Variants in ERMAP observed in about 807,000 individuals in gnomAD.
ERMAP encodes erythroblast membrane associated protein (Scianna blood group).
A neutral mutation model predicts 49.5 loss-of-function variants in ERMAP; 34 were observed. The observed-to-expected ratio is 0.69, with a 90% CI of 0.52 to 0.91. The LOEUF (loss-of-function observed/expected upper bound fraction) is 0.91, where lower values mean the gene tolerates loss of function less well. Ranked by LOEUF, ERMAP falls within the 40% of genes least tolerant of loss-of-function variation. The pLI is 0.00. For missense variants in ERMAP, 541 were observed against 582.6 expected (o/e 0.93, Z 0.74); for synonymous variants, 214 against 232.2 (o/e 0.92, Z 0.71).
chr1:42,838,948 C>A, intron 8 of ERMAP, 27 bp downstream of exon 8: 1 of 1,614,170 alleles, frequency 6.2e-7, no homozygotes, highest in Non-Finnish European at 8.5e-7. Context: ...ATCCATGGCA[C>A]AAGCTCCTTC....
chr1:42,822,384 A>G (rs1414615896), intron 1 of ERMAP, among the ~76,000 whole-genome samples: 7 of 152,202 alleles, frequency 4.6e-5, no homozygotes, highest in South Asian at 4.2e-4. Flanking sequence ...GGATTTCGCA[A>G]TGTTGGCCAG....
At chr1:42,817,297 C>A in intron 1 of ERMAP, 44 bp downstream of exon 1, 1 of 1,196,284 alleles carries the variant, frequency 8.4e-7, no homozygotes, top group Non-Finnish European at 1.1e-6. Flanking sequence ...GCGCTGCCTG[C>A]CCACCGCCCC....
In ERMAP at chr1:42,843,766, G is replaced by A. The variant is rs900774523; in HGVS notation, c.*534G>A. The A allele has an allele frequency of 7.1e-6, 2 of 281,324 alleles. No homozygotes were observed. Among genetic ancestry groups the A allele is most frequent in the African/African-American group, 4.4e-5 (2 of 45,862 alleles). 17.4% of individuals were successfully genotyped at this position (281,324 alleles called of 1,614,324 possible). A position where few individuals can be genotyped will look rare whatever the true frequency, so the allele number is the denominator to read the frequency against. ...CTTCAGGAATGAATTGGGAAAGGCT[G>A]ATGAGTAAAACATACCATCCTTTTC... On this transcript the variant is annotated 3_prime_UTR_variant, in exon 12 of 12. Coordinates refer to ENST00000372517, the MANE Select transcript of ERMAP (RefSeq NM_001017922.2).
chr1:42,834,462 G>A lies in ERMAP; in HGVS notation c.434-576G>A, dbSNP rs114047611. On this transcript the variant is annotated intron_variant, in intron 4 of 11. Transcript: ENST00000372517. Reference sequence around the variant, plus strand: ...TCCATTGAATTATAGGGCAGGATGAGATTGTGGTCAAGAAGTTTGTTTAAG... The same window carrying A: ...TCCATTGAATTATAGGGCAGGATGAAATTGTGGTCAAGAAGTTTGTTTAAG... Among the ~76,000 whole-genome samples, 431 of 152,350 alleles carry A rather than the reference G, an allele frequency of 2.8e-3. 4 individuals carry two copies. The highest frequency in any genetic ancestry group is 9.6e-3 in the African/African-American group (400 of 41,576).
intron 4 of ERMAP, among the ~76,000 whole-genome samples, chr1:42,832,178 A>ATTT (rs1654760062): frequency 8.3e-6 from 1 of 120,506 alleles, no homozygotes; most frequent in Non-Finnish European, 1.7e-5. Flanking sequence ...GGTGAAAATT[A>ATTT]ATTTTTTTTT....
In ERMAP at chr1:42,842,802, A is replaced by G. The variant is rs1235935299; in HGVS notation, c.998A>G (p.Gln333Arg). The change falls in exon 12 of 12, where the codon CAG becomes CGG. Residue 333 changes from glutamine (Q) to arginine (R), a missense_variant. Transcript: ENST00000372517. The stretch of plus-strand genomic sequence containing the variant: ...GCCAATGGACACTGGCTTCTGCGAC[A>G]GAGTCGTGGGAATGAGTATGAAGCT... Reference protein sequence around the residue: ...SPANGHWLLRQSRGNEYEALT... With the variant: ...SPANGHWLLRRSRGNEYEALT... 6.2e-7 allele frequency: 1 copy of G among 1,614,178 alleles called. No individual in the cohort carries two copies. Among genetic ancestry groups the G allele is most frequent in the Admixed American group, 1.7e-5 (1 of 60,016 alleles).
intron 4 of ERMAP, among the ~76,000 whole-genome samples, chr1:42,832,241 G>A (rs1654765651): frequency 7.1e-6 from 1 of 141,706 alleles, no homozygotes; most frequent in Non-Finnish European, 1.5e-5. Flanking sequence ...GCCCAGGCTG[G>A]AGTGCATTGG....
At chr1:42,818,035 G>T (rs753503297) in intron 1 of ERMAP, among the ~76,000 whole-genome samples, 1 of 152,228 alleles carries the variant, frequency 6.6e-6, no homozygotes, top group Non-Finnish European at 1.5e-5. Context: ...GCTTCTAAGT[G>T]CTGGAGCAAA....
rs1434248202 is a variant in ERMAP, at chr1:42,821,991, CAACAGAGCTAG to C, written c.-121-3630_-121-3620del. Among the ~76,000 whole-genome samples, 8 of 140,408 alleles carry C rather than the reference CAACAGAGCTAG, an allele frequency of 5.7e-5. No individual in the cohort carries two copies. In the South Asian group the frequency reaches 1.5e-3, roughly 27 times the overall value. 92.1% of individuals were successfully genotyped at this position (140,408 alleles called of 152,430 possible). On this transcript the variant is annotated intron_variant, in intron 1 of 11. Coordinates refer to ENST00000372517, the MANE Select transcript of ERMAP (RefSeq NM_001017922.2). ...TTGTGCCTTTGCACTCCAGCCTGGG[CAACAGAGCTAG>C]ACCCTAGCTCTAAAAAAAAAAAAAA...
intron 11 of ERMAP, among the ~76,000 whole-genome samples, chr1:42,841,485 T>C (rs1340464048): frequency 6.6e-6 from 1 of 152,230 alleles, no homozygotes; most frequent in Non-Finnish European, 1.5e-5. Flanking sequence ...CATGAATACC[T>C]ACTGCATTCC....
chr1:42,826,771 G>C (rs1654564436), intron 2 of ERMAP, among the ~76,000 whole-genome samples: 1 of 151,326 alleles, frequency 6.6e-6, no homozygotes, highest in African/African-American at 2.4e-5. Context: ...CAGGAGAATT[G>C]CTTGAACCTG....
intron 1 of ERMAP, among the ~76,000 whole-genome samples, chr1:42,818,931 T>C (rs2124270548): frequency 6.6e-6 from 1 of 152,356 alleles, no homozygotes; most frequent in South Asian, 2.1e-4. Context: ...ACTGGTATTT[T>C]ACATTTGTGT....
intron 5 of ERMAP, 100 bp downstream of exon 5, chr1:42,835,254 A>G (rs35886249): frequency 8.2e-6 from 6 of 733,158 alleles, no homozygotes; most frequent in South Asian, 3.0e-5. Flanking sequence ...ACACTTCTCC[A>G]TAGGTTGGGG....
chr1:42,830,354 A>G, intron 2 of ERMAP, 90 bp from the exon 3 acceptor site: 1 of 1,114,992 alleles, frequency 9.0e-7, no homozygotes, highest in Non-Finnish European at 1.4e-6. Context: ...GAGCACCAGC[A>G]ATACCGTCTC....
chr1:42,830,003 A>G (rs768683908), intron 2 of ERMAP: 1 of 162,750 alleles, frequency 6.1e-6, no homozygotes, highest in South Asian at 1.6e-4. Context: ...ATCTTGGGCA[A>G]AGATTGGCTT....
intron 6 of ERMAP, among the ~76,000 whole-genome samples, chr1:42,836,754 A>G: frequency 6.6e-6 from 1 of 151,920 alleles, no homozygotes. Flanking sequence ...TACTCAGGAG[A>G]CAGACAGGAG....
chr1:42,840,512 A>G (rs146230522), intron 11 of ERMAP, among the ~76,000 whole-genome samples: 5 of 152,284 alleles, frequency 3.3e-5, no homozygotes, highest in Admixed American at 6.5e-5. Context: ...AGCACTGATA[A>G]TATTAGGTTT....
rs778881107 is a variant in ERMAP, at chr1:42,817,129, C to T, written c.-246C>T. The T allele has an allele frequency of 8.5e-7, 1 of 1,181,480 alleles. No homozygotes were observed. The highest frequency in any genetic ancestry group is 1.1e-6 in the Non-Finnish European group (1 of 930,700). 73.2% of individuals were successfully genotyped at this position (1,181,480 alleles called of 1,614,324 possible). The stretch of plus-strand genomic sequence containing the variant: ...CGGCCCCCGCCTCCTGCCCTCTTCC[C>T]TCTCCTGGAGGAAAATGGCGGTCGC... On this transcript the variant is annotated 5_prime_UTR_variant, in exon 1 of 12. Transcript: ENST00000372517.
chr1:42,834,933 G>A (rs1654849105), intron 4 of ERMAP, 105 bp from the exon 5 acceptor site: 1 of 727,428 alleles, frequency 1.4e-6, no homozygotes, highest in Non-Finnish European at 2.5e-6. Flanking sequence ...TCTCCCTAGA[G>A]GTGATGGAGA....
Sources: allele counts gnomAD v4.1 joint callset (sites outside exome capture counted in the v4.1 genomes callset), GRCh38; gene constraint gnomAD v4.1.1; transcripts MANE v1.5; gene names NCBI Gene and HGNC (gene_info 2026-07-23, HGNC 2026-07-21).